Variants in FAF1 observed in about 807,000 individuals in gnomAD.
The protein encoded by FAF1 is Fas associated factor 1.
Under a neutral mutation model 92.5 loss-of-function variants are expected in FAF1, and 25 were observed. The observed-to-expected ratio is 0.27, with a 90% confidence interval of 0.20 to 0.38. FAF1 has a LOEUF of 0.38. Ranked by LOEUF, FAF1 falls within the 10% of genes least tolerant of loss-of-function variation. FAF1 has a pLI of 1.00. For missense variants in FAF1, 636 were observed against 793.3 expected (o/e 0.80, Z 2.38); for synonymous variants, 234 against 273.2 (o/e 0.86, Z 1.42).
At chr1:50,468,335 C>A (rs1412452460) in intron 18 of FAF1, among the ~76,000 whole-genome samples, 1 of 152,028 alleles carries the variant, frequency 6.6e-6, no homozygotes, top group Non-Finnish European at 1.5e-5. Context: ...CTCTGTCTCC[C>A]AGGCTAGAGT....
At chr1:50,944,031 A>C (rs1427971689) in intron 1 of FAF1, among the ~76,000 whole-genome samples, 3 of 152,244 alleles carry the variant, frequency 2.0e-5, no homozygotes, top group African/African-American at 7.2e-5. Context: ...GAATGATGGC[A>C]GTCAGTCCAA....
chr1:50,652,894 C>T (rs1435058566), intron 8 of FAF1, among the ~76,000 whole-genome samples: 1 of 152,124 alleles, frequency 6.6e-6, no homozygotes, highest in Non-Finnish European at 1.5e-5. Context: ...GAGCCAGGTA[C>T]TGTATTTATA....
chr1:50,776,798 C>T (rs1223766386), intron 4 of FAF1, among the ~76,000 whole-genome samples: 2 of 152,072 alleles, frequency 1.3e-5, no homozygotes, highest in African/African-American at 4.8e-5. Context: ...AAGGCTAAAT[C>T]ATATCCCTTT....
intron 1 of FAF1, among the ~76,000 whole-genome samples, chr1:50,926,219 CAT>C (rs1645005168): frequency 6.6e-6 from 1 of 152,034 alleles, no homozygotes; most frequent in Admixed American, 6.6e-5. Flanking sequence ...TGTCTCTAAA[CAT>C]AAAAAACAAA....
At chr1:50,456,023 TG>T (rs1646348507) in intron 18 of FAF1, among the ~76,000 whole-genome samples, 1 of 151,958 alleles carries the variant, frequency 6.6e-6, no homozygotes, top group African/African-American at 2.4e-5. Flanking sequence ...GGCAGTGAGC[TG>T]AGATGGCACC....
chr1:50,491,313 C>T (rs1646836663), intron 16 of FAF1, among the ~76,000 whole-genome samples: 1 of 152,160 alleles, frequency 6.6e-6, no homozygotes, highest in South Asian at 2.1e-4. Flanking sequence ...GTGAAACTTC[C>T]TTTGAGAGCA....
At chr1:50,509,441 A>C (rs913457666) in intron 15 of FAF1, among the ~76,000 whole-genome samples, 3 of 151,772 alleles carry the variant, frequency 2.0e-5, no homozygotes, top group Admixed American at 6.6e-5. Flanking sequence ...GTGAGACCCT[A>C]TCTCTACAAA....
chr1:50,725,879 C>G (rs1418047157), intron 6 of FAF1, among the ~76,000 whole-genome samples: 1 of 152,204 alleles, frequency 6.6e-6, no homozygotes, highest in Non-Finnish European at 1.5e-5. Context: ...AATGCAACTT[C>G]ACAACCCAGA....
At chr1:50,610,113 T>C (rs1044856485) in intron 8 of FAF1, among the ~76,000 whole-genome samples, 55 of 152,324 alleles carry the variant, frequency 3.6e-4, no homozygotes, top group African/African-American at 1.3e-3. Flanking sequence ...TTAAAAAACA[T>C]TGATCAAATC....
intron 13 of FAF1, among the ~76,000 whole-genome samples, chr1:50,546,985 C>G (rs992864058): frequency 6.6e-6 from 1 of 151,962 alleles, no homozygotes; most frequent in African/African-American, 2.4e-5. Context: ...GCCTCACGGG[C>G]TCCAGTGATC....
chr1:50,893,711 CA>C (rs1419624918), intron 1 of FAF1, among the ~76,000 whole-genome samples: 1 of 152,146 alleles, frequency 6.6e-6, no homozygotes, highest in Non-Finnish European at 1.5e-5. Context: ...TATGTTCGCA[CA>C]AGGTCCTATG....
At chr1:50,562,373 C>T (rs1382358581) in intron 13 of FAF1, among the ~76,000 whole-genome samples, 1 of 152,170 alleles carries the variant, frequency 6.6e-6, no homozygotes, top group African/African-American at 2.4e-5. Context: ...ATTATATTAG[C>T]TAGCCAGCTC....
intron 4 of FAF1, among the ~76,000 whole-genome samples, chr1:50,760,574 C>T (rs972905846): frequency 1.1e-4 from 16 of 152,150 alleles, no homozygotes; most frequent in African/African-American, 3.4e-4. Flanking sequence ...GAACAACCTG[C>T]TCCTGAATGA....
intron 15 of FAF1, among the ~76,000 whole-genome samples, chr1:50,517,709 T>C (rs1283842271): frequency 2.6e-5 from 4 of 152,218 alleles, no homozygotes; most frequent in Non-Finnish European, 5.9e-5. Context: ...CTGTTGTCTG[T>C]CAAATAAGAT....
intron 6 of FAF1, among the ~76,000 whole-genome samples, chr1:50,708,089 T>C (rs1157458973): frequency 1.3e-5 from 2 of 152,184 alleles, no homozygotes; most frequent in African/African-American, 4.8e-5. Context: ...GTTACAGGTG[T>C]GAGCCACAGC....
intron 6 of FAF1, among the ~76,000 whole-genome samples, chr1:50,709,631 T>G (rs1657833806): frequency 6.6e-6 from 1 of 152,134 alleles, no homozygotes; most frequent in African/African-American, 2.4e-5. Flanking sequence ...AGAGGTAGAA[T>G]CCAGCCCCTA....
At chr1:50,596,348 A>G in intron 8 of FAF1, 132 bp from the exon 9 acceptor site, 2 of 639,524 alleles carry the variant, frequency 3.1e-6, no homozygotes, top group Non-Finnish European at 2.7e-6. Flanking sequence ...TGGGTATTAC[A>G]TTACCAGGAA....
intron 2 of FAF1, among the ~76,000 whole-genome samples, chr1:50,811,246 G>A (rs1024775252): frequency 6.6e-6 from 1 of 152,092 alleles, no homozygotes; most frequent in Non-Finnish European, 1.5e-5. Context: ...GACTGACATG[G>A]GAAGATCACT....
At chr1:50,623,476 G>A (rs1222115023) in intron 8 of FAF1, among the ~76,000 whole-genome samples, 4 of 151,914 alleles carry the variant, frequency 2.6e-5, no homozygotes, top group African/African-American at 4.8e-5. Context: ...GGCTGAGGCA[G>A]GAGAATTGCT....
Sources: gnomAD v4.1 joint callset for allele counts (sites outside exome capture counted in the v4.1 genomes callset) on GRCh38, gnomAD v4.1.1 for gene constraint, MANE v1.5 for transcripts, NCBI Gene and HGNC (gene_info 2026-07-23, HGNC 2026-07-21) for gene names.